PGM5: variants seen among roughly 807,000 people sequenced by gnomAD.
PGM5 encodes the protein phosphoglucomutase-like protein 5.
A neutral mutation model predicts 59.2 loss-of-function variants in PGM5; 23 were observed. The observed-to-expected ratio is 0.39, with a 90% CI of 0.28 to 0.55. PGM5 has a LOEUF of 0.55. Among genes scored for constraint, PGM5 ranks in the 20% least tolerant of loss-of-function variants. The probability of loss-of-function intolerance (pLI) is 0.66; values close to 1 mark genes in which losing one functional copy is unlikely to be tolerated. For synonymous variants in PGM5, 214 were observed against 286.0 expected (o/e 0.75, Z 2.54); for missense variants, 574 against 748.3 (o/e 0.77, Z 2.72).
chr9:68,380,707 A>C (rs1273015675), intron 2 of PGM5, among the ~76,000 whole-genome samples: 19 of 151,922 alleles, frequency 1.3e-4, no homozygotes, highest in African/African-American at 4.6e-4. Flanking sequence ...GATTCACTAA[A>C]AAAAGCAGAC....
intron 10 of PGM5, among the ~76,000 whole-genome samples, chr9:68,520,333 AG>A (rs1824883969): frequency 6.6e-6 from 1 of 152,072 alleles, no homozygotes; most frequent in Non-Finnish European, 1.5e-5. Flanking sequence ...AAATTTATAA[AG>A]AAAAAAAAAA....
chr9:68,478,307 A>G lies in PGM5; in HGVS notation c.1160-1111A>G, dbSNP rs1436893637. ...CTCTTTCTATATGAATAGCTGTAGGATATACCTTCTCTATTCATTCCTGCC... is the reference window on the plus strand; with the variant it reads ...CTCTTTCTATATGAATAGCTGTAGGGTATACCTTCTCTATTCATTCCTGCC... On this transcript the variant is annotated intron_variant, in intron 7 of 10. Coordinates refer to ENST00000396396, the MANE Select transcript of PGM5 (RefSeq NM_021965.4). Among the ~76,000 whole-genome samples the G allele has an allele frequency of 3.9e-5, 6 of 152,194 alleles. No individual in the cohort carries two copies. In the East Asian group the frequency reaches 1.2e-3, roughly 29 times the overall value.
At chr9:68,410,846 A>C (rs1223640877) in intron 6 of PGM5, among the ~76,000 whole-genome samples, 1 of 152,258 alleles carries the variant, frequency 6.6e-6, no homozygotes, top group African/African-American at 2.4e-5. Context: ...GGAAAAAGTT[A>C]CATCTCGTAT....
chr9:68,386,931 C>G (rs1822235521), intron 3 of PGM5, among the ~76,000 whole-genome samples: 1 of 151,902 alleles, frequency 6.6e-6, no homozygotes. Flanking sequence ...AATGAGATTT[C>G]ACGCAAACCC....
At chr9:68,425,551 A>G (rs2132051483) in intron 6 of PGM5, among the ~76,000 whole-genome samples, 1 of 152,360 alleles carries the variant, frequency 6.6e-6, no homozygotes, top group South Asian at 2.1e-4. Flanking sequence ...GCACTCCAAG[A>G]GGAGTTGAGT....
chr9:68,423,557 C>T (rs781933752), intron 6 of PGM5, among the ~76,000 whole-genome samples: 1 of 152,032 alleles, frequency 6.6e-6, no homozygotes, highest in African/African-American at 2.4e-5. Flanking sequence ...GCAGAGCTGA[C>T]ATTAGGTTCA....
At chr9:68,471,403 C>A (rs531530493) in intron 7 of PGM5, among the ~76,000 whole-genome samples, 1 of 152,142 alleles carries the variant, frequency 6.6e-6, no homozygotes. Context: ...GCTAGGTGGC[C>A]CCACTGAGAA....
chr9:68,461,621 T>TAC (rs1554685416), intron 6 of PGM5, among the ~76,000 whole-genome samples: 1 of 152,206 alleles, frequency 6.6e-6, no homozygotes, highest in East Asian at 1.9e-4. Flanking sequence ...AAAAAGCCTT[T>TAC]ACACAGCATT....
intron 6 of PGM5, among the ~76,000 whole-genome samples, chr9:68,450,074 T>A (rs1823671755): frequency 6.6e-6 from 1 of 152,188 alleles, no homozygotes; most frequent in Non-Finnish European, 1.5e-5. Flanking sequence ...TCAGTTCAAG[T>A]GTGAACCCCT....
chr9:68,517,541 T>C (rs368566858), intron 10 of PGM5, among the ~76,000 whole-genome samples: 23 of 152,314 alleles, frequency 1.5e-4, no homozygotes, highest in East Asian at 9.6e-4. Flanking sequence ...AAGTCCTAGA[T>C]TGGGGCCAAT....
rs147088544 is a variant in PGM5, at chr9:68,387,498, C to A, written c.607C>A (p.Leu203Ile). Residue 203 changes from leucine to isoleucine, a missense_variant, in exon 4 of 11, where the codon CTC becomes ATC. Physicochemically the swap from Leu to Ile is conservative, Grantham distance 5. Coordinates refer to ENST00000396396, the MANE Select transcript of PGM5 (RefSeq NM_021965.4). ...GGACCCAGTGGATATCTATCTTAAC[C>A]TCCTTCGGACCATCTTTGACTTTCA... is the stretch of plus-strand genomic sequence containing the variant. ...IVDPVDIYLNLLRTIFDFHAI... is the reference protein window; with the variant it reads ...IVDPVDIYLNILRTIFDFHAI... 2,720 of 1,611,780 alleles carry A rather than the reference C, an allele frequency of 1.7e-3. 1 individual carries two copies. Among genetic ancestry groups the A allele is most frequent in the Non-Finnish European group, 2.1e-3 (2,513 of 1,178,244 alleles).
At chr9:68,375,082 T>A (rs1215398663) in intron 1 of PGM5, among the ~76,000 whole-genome samples, 5 of 152,182 alleles carry the variant, frequency 3.3e-5, no homozygotes, top group Admixed American at 1.3e-4. Context: ...TGGCTGTTGT[T>A]GGCAGGCCTT....
At position 68,526,502 on chromosome 9, in the gene PGM5, C is replaced by T. The variant is rs976302966; in HGVS notation, c.1615-3065C>T. Among the ~76,000 whole-genome samples, 6 of 152,326 alleles carry T rather than the reference C, an allele frequency of 3.9e-5. No individual in the cohort carries two copies. The East Asian group carries it at 1.2e-3, about 29-fold the overall frequency. ...CACTATACACATAGATATCCTATTA[C>T]ATTTGTATCATAAAACATATAAATG... On this transcript the variant is annotated intron_variant, in intron 10 of 10. Coordinates refer to ENST00000396396, the MANE Select transcript of PGM5 (RefSeq NM_021965.4).
intron 6 of PGM5, among the ~76,000 whole-genome samples, chr9:68,434,457 T>G (rs933557541): frequency 1.3e-5 from 2 of 152,140 alleles, no homozygotes; most frequent in African/African-American, 4.8e-5. Context: ...CTGCAAAATA[T>G]TATTTGTAAA....
At chr9:68,450,676 ACT>A (rs1823682094) in intron 6 of PGM5, among the ~76,000 whole-genome samples, 1 of 152,198 alleles carries the variant, frequency 6.6e-6, no homozygotes, top group African/African-American at 2.4e-5. Context: ...GGAAAAATCC[ACT>A]GTCATATTTC....
At chr9:68,447,424 G>C (rs527307471) in intron 6 of PGM5, among the ~76,000 whole-genome samples, 5 of 152,190 alleles carry the variant, frequency 3.3e-5, no homozygotes, top group Admixed American at 6.5e-5. Flanking sequence ...AGTTTGGAGA[G>C]AGAGAGAGAG....
chr9:68,389,268 T>C (rs1458063400), intron 4 of PGM5, among the ~76,000 whole-genome samples: 2 of 152,114 alleles, frequency 1.3e-5, no homozygotes, highest in Non-Finnish European at 2.9e-5. Flanking sequence ...TTATACACAG[T>C]AAAACTCACT....
At chr9:68,516,883 TG>T (rs1390150084) in intron 10 of PGM5, among the ~76,000 whole-genome samples, 5 of 152,126 alleles carry the variant, frequency 3.3e-5, no homozygotes, top group Non-Finnish European at 7.4e-5. Flanking sequence ...TTTTGTTTTT[TG>T]TTTTGAGACA....
chr9:68,499,454 C>T, intron 10 of PGM5, 93 bp downstream of exon 10: 1 of 1,278,962 alleles, frequency 7.8e-7, no homozygotes, highest in South Asian at 1.4e-5. Flanking sequence ...ATTTTACCTC[C>T]TGGAAAGGTA....
Sources: allele counts gnomAD v4.1 joint callset (sites outside exome capture counted in the v4.1 genomes callset), GRCh38; gene constraint gnomAD v4.1.1; transcripts MANE v1.5; gene names NCBI Gene and HGNC (gene_info 2026-07-23, HGNC 2026-07-21).